The following AFF1 variants were observed in gnomAD, a reference collection of about 807,000 sequenced individuals.
The protein encoded by AFF1 is AF4/FMR2 family member 1.
AFF1 carries 48 observed loss-of-function variants against 121.7 expected under a neutral mutation model. The observed-to-expected ratio is 0.39, with a 90% CI of 0.31 to 0.50. AFF1 has a LOEUF of 0.50. Among genes scored for constraint, AFF1 ranks in the 20% least tolerant of loss-of-function variants. AFF1 has a pLI of 0.76. For synonymous variants in AFF1, 613 were observed against 563.0 expected, an observed-to-expected ratio of 1.09 and a Z score of -1.26; for missense variants, 1,523 against 1,511.7, an observed-to-expected ratio of 1.01 and a Z score of -0.12.
At chr4:87,027,784 GTTTTTT>G (rs35903702) in intron 2 of AFF1, among the ~76,000 whole-genome samples, 2 of 90,598 alleles carry the variant, frequency 2.2e-5, no homozygotes, top group South Asian at 3.7e-4. Context: ...TTGCTGTTGG[GTTTTTT>G]TTTTTTTTTT....
At chr4:86,996,883 TG>T (rs1725255263) in intron 2 of AFF1, among the ~76,000 whole-genome samples, 3 of 152,318 alleles carry the variant, frequency 2.0e-5, no homozygotes, top group African/African-American at 7.2e-5. Context: ...TGGGTTACCA[TG>T]GGAGGAGAAC....
chr4:86,962,595 T>C (rs1180419202), intron 2 of AFF1, among the ~76,000 whole-genome samples: 1 of 152,104 alleles, frequency 6.6e-6, no homozygotes, highest in Non-Finnish European at 1.5e-5. Flanking sequence ...TTGGGCAATA[T>C]AGGGAAAGCA....
chr4:87,098,803 A>C (rs920681790), intron 8 of AFF1, among the ~76,000 whole-genome samples: 10 of 152,204 alleles, frequency 6.6e-5, no homozygotes, highest in African/African-American at 2.4e-4. Flanking sequence ...TGAGGGAGAT[A>C]TCTGGATGTG....
At chr4:86,993,232 A>G (rs547974639) in intron 2 of AFF1, among the ~76,000 whole-genome samples, 17 of 152,340 alleles carry the variant, frequency 1.1e-4, no homozygotes, top group African/African-American at 4.1e-4. Context: ...CATTTACGAC[A>G]GGCTAGGTAT....
At chr4:87,052,428 C>T (rs549809448) in intron 4 of AFF1, among the ~76,000 whole-genome samples, 7 of 152,036 alleles carry the variant, frequency 4.6e-5, no homozygotes, top group Middle Eastern at 3.4e-3. Flanking sequence ...CCCTCCTCCC[C>T]CCACACCACC....
Position 87,135,734 on chromosome 4 carries a change from C to T in AFF1, c.*33C>T, listed in dbSNP as rs1729250775. ...CCAGGTTGATTCAATGCCTTGGGAACTATTTTTGCACATTGGAAGCCTCAA... is the reference window on the plus strand; with the variant it reads ...CCAGGTTGATTCAATGCCTTGGGAATTATTTTTGCACATTGGAAGCCTCAA... On this transcript the variant is annotated 3_prime_UTR_variant, in exon 21 of 21. Coordinates refer to ENST00000395146, the MANE Select transcript of AFF1 (RefSeq NM_001166693.3). 6.3e-7 allele frequency: 1 copy of T among 1,597,386 alleles called. No homozygotes were observed. Among genetic ancestry groups the T allele is most frequent in the East Asian group, 2.2e-5 (1 of 44,600 alleles).
chr4:86,935,751 G>C (rs866218421), intron 1 of AFF1: 1 of 152,466 alleles, frequency 6.6e-6, no homozygotes, highest in Admixed American at 6.5e-5. Context: ...GGAGGGAGGC[G>C]TGTGTCGGTG....
At chr4:86,998,401 T>G (rs567352411) in intron 2 of AFF1, among the ~76,000 whole-genome samples, 1 of 152,322 alleles carries the variant, frequency 6.6e-6, no homozygotes, top group South Asian at 2.1e-4. Flanking sequence ...GTTTTGTTTT[T>G]AGAATAATTG....
At chr4:87,121,508 C>T (rs994314008) in intron 12 of AFF1, among the ~76,000 whole-genome samples, 2 of 152,194 alleles carry the variant, frequency 1.3e-5, no homozygotes, top group Non-Finnish European at 2.9e-5. Flanking sequence ...CTGACAAATA[C>T]CGAGTGCCTA....
chr4:86,953,299 T>C (rs540526375), intron 2 of AFF1, among the ~76,000 whole-genome samples: 37 of 152,324 alleles, frequency 2.4e-4, no homozygotes, highest in African/African-American at 8.7e-4. Flanking sequence ...TGTTTAATCA[T>C]GATAGGTATT....
rs762458191 is a variant in AFF1 at position 87,047,557 on chromosome 4, A to G, written c.1022A>G (p.Lys341Arg). The G allele has an allele frequency of 1.2e-5, 19 of 1,614,104 alleles. No homozygotes were observed. The highest frequency in any genetic ancestry group is 1.5e-5 in the Non-Finnish European group (18 of 1,180,042). The change falls in exon 4 of 21, where the codon AAG (lysine) becomes AGG (arginine). Residue 341 changes from lysine (K) to arginine (R), a missense_variant. Lys to Arg is a conservative substitution (Grantham distance 26, BLOSUM62 2). This residue lies in a region of AFF1 where 905 missense variants were observed against 842.5 expected (regional missense o/e 1.07). Transcript: ENST00000395146. ...GACTTGAAAGTGCCTGCCAAAGCCA[A>G]GCTCACCAAACTGAAGATGCCTTCT... ...KTDLKVPAKAKLTKLKMPSQS... is the reference protein window; with the variant it reads ...KTDLKVPAKARLTKLKMPSQS...
chr4:87,024,773 T>A (rs1728363222), intron 2 of AFF1, among the ~76,000 whole-genome samples: 1 of 152,094 alleles, frequency 6.6e-6, no homozygotes, highest in African/African-American at 2.4e-5. Context: ...ATTTATTTTT[T>A]AGTAGAGATG....
intron 19 of AFF1, among the ~76,000 whole-genome samples, chr4:87,133,308 A>G (rs781469269): frequency 6.6e-6 from 1 of 152,168 alleles, no homozygotes; most frequent in South Asian, 2.1e-4. Flanking sequence ...GTCCTTGCCT[A>G]GTATTTTTTA....
intron 18 of AFF1, 121 bp from the exon 19 acceptor site, chr4:87,132,150 T>C (rs904600434): frequency 1.7e-6 from 2 of 1,146,028 alleles, no homozygotes; most frequent in African/African-American, 3.1e-5. Context: ...TAAGATACTT[T>C]ACATACTAAC....
At chr4:87,030,071 CTG>C (rs1560554914) in intron 2 of AFF1, among the ~76,000 whole-genome samples, 1 of 151,990 alleles carries the variant, frequency 6.6e-6, no homozygotes, top group Non-Finnish European at 1.5e-5. Flanking sequence ...CACTGAAAGA[CTG>C]TATATTTTAC....
At chr4:87,060,037 C>T (rs1201052327) in intron 4 of AFF1, among the ~76,000 whole-genome samples, 1 of 152,186 alleles carries the variant, frequency 6.6e-6, no homozygotes, top group East Asian at 1.9e-4. Context: ...GGGTGAAGTA[C>T]TGGACTGAAT....
intron 1 of AFF1, among the ~76,000 whole-genome samples, chr4:86,947,975 T>C (rs1385436582): frequency 6.6e-6 from 1 of 152,172 alleles, no homozygotes; most frequent in East Asian, 1.9e-4. Flanking sequence ...TTACCTTTTC[T>C]TCCTTTTAAT....
chr4:86,945,634 A>G (rs563893069), intron 1 of AFF1, among the ~76,000 whole-genome samples: 2 of 150,246 alleles, frequency 1.3e-5, no homozygotes, highest in Non-Finnish European at 3.0e-5. Context: ...CTCAGTAGCT[A>G]GGACTACAGG....
rs185238757 is a variant in AFF1, at chr4:87,058,500, T to A, written c.1059+10906T>A. ...ACCAGGTATGAATTCTCTCAGTTCT[T>A]TCTACCTACAGTGCCACCCCCGCCC... On this transcript the variant is annotated intron_variant, in intron 4 of 20. Coordinates refer to ENST00000395146, the MANE Select transcript of AFF1 (RefSeq NM_001166693.3). Among the ~76,000 whole-genome samples the A allele has an allele frequency of 1.3e-3, 200 of 152,182 alleles. 1 individual carries two copies. The highest frequency in any genetic ancestry group is 4.6e-3 in the African/African-American group (193 of 41,522).
Sources: gnomAD v4.1 joint callset for allele counts (sites outside exome capture counted in the v4.1 genomes callset) on GRCh38, gnomAD v4.1.1 for gene constraint, gnomAD v4.1.1 regional missense constraint, MANE v1.5 for transcripts, NCBI Gene and HGNC (gene_info 2026-07-23, HGNC 2026-07-21) for gene names.